The following CTNNA3 variants were observed in gnomAD, a reference collection of about 807,000 sequenced individuals.
CTNNA3 encodes catenin alpha-3.
Under a neutral mutation model 95.7 loss-of-function variants are expected in CTNNA3, and 76 were observed. The observed-to-expected ratio is 0.79, with a 90% CI of 0.66 to 0.96. The LOEUF (loss-of-function observed/expected upper bound fraction) is 0.96. CTNNA3 is among the 40% of genes least tolerant of loss of function. CTNNA3 has a pLI of 0.00. For missense variants in CTNNA3, 1,191 were observed against 1,089.8 expected, an observed-to-expected ratio of 1.09 and a Z score of -1.31; for synonymous variants, 431 against 374.4, an observed-to-expected ratio of 1.15 and a Z score of -1.74.
chr10:66,672,843 G>T (rs778674435), intron 9 of CTNNA3, among the ~76,000 whole-genome samples: 10 of 152,048 alleles, frequency 6.6e-5, no homozygotes, highest in Non-Finnish European at 1.3e-4. Context: ...TAGCAGTTTA[G>T]ATCCAAAAAG....
chr10:67,406,248 G>A (rs1049805881), intron 5 of CTNNA3, among the ~76,000 whole-genome samples: 1 of 152,206 alleles, frequency 6.6e-6, no homozygotes, highest in Non-Finnish European at 1.5e-5. Flanking sequence ...TACCCAGCCT[G>A]GGGTATTTCA....
chr10:66,471,388 C>T (rs955668724), intron 11 of CTNNA3, among the ~76,000 whole-genome samples: 2 of 151,682 alleles, frequency 1.3e-5, no homozygotes, highest in African/African-American at 2.4e-5. Context: ...GTTTTGATTT[C>T]TAACTTAAAT....
chr10:67,755,932 T>C (rs1841430834), intron 1 of CTNNA3, among the ~76,000 whole-genome samples: 1 of 151,610 alleles, frequency 6.6e-6, no homozygotes, highest in Admixed American at 6.6e-5. Context: ...TAAATGCTCA[T>C]CAATGGAAGA....
intron 11 of CTNNA3, among the ~76,000 whole-genome samples, chr10:66,445,414 T>C (rs1224580297): frequency 6.6e-6 from 1 of 152,010 alleles, no homozygotes; most frequent in East Asian, 1.9e-4. Flanking sequence ...ATTGACCACA[T>C]AGTTGGAAGT....
At chr10:66,203,981 C>A (rs1218126996) in intron 13 of CTNNA3, among the ~76,000 whole-genome samples, 1 of 152,080 alleles carries the variant, frequency 6.6e-6, no homozygotes, top group African/African-American at 2.4e-5. Context: ...CTAAAAACCA[C>A]AAATTCTAGG....
At chr10:67,091,447 T>C (rs571752857) in intron 7 of CTNNA3, among the ~76,000 whole-genome samples, 3 of 152,004 alleles carry the variant, frequency 2.0e-5, no homozygotes, top group African/African-American at 7.2e-5. Context: ...TAAATCCCAC[T>C]TCTTTCCAAA....
intron 7 of CTNNA3, among the ~76,000 whole-genome samples, chr10:66,804,633 T>C (rs1841567443): frequency 6.6e-6 from 1 of 151,998 alleles, no homozygotes. Context: ...TCTAAAGGGG[T>C]ACTGACTAGA....
At chr10:66,508,190 TTTG>T in intron 11 of CTNNA3, among the ~76,000 whole-genome samples, 2 of 146,808 alleles carry the variant, frequency 1.4e-5, no homozygotes. Context: ...GTTTTTTTTT[TTTG>T]TTTTGTTTTG....
At chr10:67,440,921 T>C (rs1194291642) in intron 5 of CTNNA3, among the ~76,000 whole-genome samples, 1 of 151,380 alleles carries the variant, frequency 6.6e-6, no homozygotes, top group South Asian at 2.1e-4. Context: ...AACAATACCA[T>C]CCAAGAAAAC....
In CTNNA3 at chr10:66,081,517, C is replaced by CA. The variant is rs373495923; in HGVS notation, c.1978-12029dup. On this transcript the variant is annotated intron_variant, in intron 14 of 17. Transcript: ENST00000433211. ...AAAAACTTTCAATACCAAAAAAACA[C>CA]AAAAAAAACTTTCTATATCAAAGGT... 2.3e-4 allele frequency among the ~76,000 whole-genome samples: 35 copies of CA among 150,660 alleles called. 1 individual carries two copies. Among genetic ancestry groups the CA allele is most frequent in the East Asian group, 3.9e-4 (2 of 5,148 alleles).
chr10:66,618,051 G>A (rs1432978753), intron 10 of CTNNA3, among the ~76,000 whole-genome samples: 1 of 151,414 alleles, frequency 6.6e-6, no homozygotes, highest in Admixed American at 6.6e-5. Flanking sequence ...ACTGCTCAAG[G>A]AAATAAAAAA....
At chr10:67,618,293 C>T (rs546194020) in intron 2 of CTNNA3, among the ~76,000 whole-genome samples, 2 of 152,276 alleles carry the variant, frequency 1.3e-5, no homozygotes, top group East Asian at 3.9e-4. Context: ...TAGATATGTT[C>T]ACATAATCCC....
intron 7 of CTNNA3, among the ~76,000 whole-genome samples, chr10:67,041,811 C>A (rs1050624224): frequency 6.6e-6 from 1 of 151,996 alleles, no homozygotes; most frequent in African/African-American, 2.4e-5. Flanking sequence ...GAAAGAATGA[C>A]AATAAAGTGC....
At chr10:66,187,564 T>A (rs1316637839) in intron 13 of CTNNA3, among the ~76,000 whole-genome samples, 2 of 151,572 alleles carry the variant, frequency 1.3e-5, no homozygotes, top group Admixed American at 1.3e-4. Context: ...GACTGGGAAT[T>A]GAAGGTGTAC....
chr10:67,620,935 A>G (rs531217530), intron 2 of CTNNA3, among the ~76,000 whole-genome samples: 23,646 of 144,438 alleles, frequency 0.16, 3,234 homozygotes, highest in East Asian at 0.44. Context: ...ATATATATAT[A>G]TATATATATA....
intron 5 of CTNNA3, among the ~76,000 whole-genome samples, chr10:67,255,321 T>TAAA (rs1416786416): frequency 4.8e-4 from 73 of 151,172 alleles, no homozygotes; most frequent in Middle Eastern, 3.4e-3. Flanking sequence ...AATAAATAAA[T>TAAA]TAATTAATTA....
In CTNNA3 at chr10:65,938,090, A is replaced by G. The variant is rs188238505; in HGVS notation, c.2401-17473T>C. Among the ~76,000 whole-genome samples, 259 of 152,326 alleles carry G rather than the reference A, an allele frequency of 1.7e-3. 1 individual carries two copies. Among genetic ancestry groups the G allele is most frequent in the African/African-American group, 6.0e-3 (250 of 41,576 alleles). On this transcript the variant is annotated intron_variant, in intron 17 of 17. Coordinates refer to ENST00000433211, the MANE Select transcript of CTNNA3 (RefSeq NM_013266.4). The stretch of plus-strand genomic sequence containing the variant: ...ATATCCTGCAAAGATTTTGAAGGAA[A>G]GCAATGATCAGGGGCCATCTCAATG...
intron 9 of CTNNA3, among the ~76,000 whole-genome samples, chr10:66,747,070 G>A (rs1299737608): frequency 1.3e-5 from 2 of 152,160 alleles, no homozygotes; most frequent in East Asian, 3.8e-4. Flanking sequence ...TAAAATGCTG[G>A]TGAAATGTAT....
At chr10:66,997,140 G>T (rs969970009) in intron 7 of CTNNA3, among the ~76,000 whole-genome samples, 1 of 152,032 alleles carries the variant, frequency 6.6e-6, no homozygotes, top group Non-Finnish European at 1.5e-5. Flanking sequence ...CAGCTTTTTC[G>T]TCTTTGCTTA....
Sources: gnomAD v4.1 joint callset for allele counts (sites outside exome capture counted in the v4.1 genomes callset) on GRCh38, gnomAD v4.1.1 for gene constraint, MANE v1.5 for transcripts, NCBI Gene and HGNC (gene_info 2026-07-23, HGNC 2026-07-21) for gene names.